Variants in SF3A3 observed in about 807,000 individuals in gnomAD.
The protein encoded by SF3A3 is splicing factor 3a subunit 3.
In SF3A3, 9 loss-of-function variants were observed where a neutral mutation model predicts 85.8. The ratio of observed to expected loss-of-function variants is 0.10; its 90% confidence interval spans 0.06 to 0.18. The LOEUF (loss-of-function observed/expected upper bound fraction) is 0.18. Ranked by LOEUF, SF3A3 falls within the 10% of genes least tolerant of loss-of-function variation. The pLI is 1.00. For synonymous variants in SF3A3, 195 were observed against 204.4 expected (o/e 0.95, Z 0.39); for missense variants, 306 against 593.3 (o/e 0.52, Z 5.03).
chr1:37,979,351 T>C lies in SF3A3; in HGVS notation c.759+114A>G, dbSNP rs1646401428. On this transcript the variant is annotated intron_variant, in intron 9 of 16. Coordinates refer to ENST00000373019, the MANE Select transcript of SF3A3 (RefSeq NM_006802.4). ...TGCTACTTTCTTTGTAGATGCTTGATCTCAAGAAATAGTGCCTTATCACAA... is the reference window on the plus strand; with the variant it reads ...TGCTACTTTCTTTGTAGATGCTTGACCTCAAGAAATAGTGCCTTATCACAA... The C allele has an allele frequency of 3.7e-6, 3 of 811,898 alleles. No individual in the cohort carries two copies. In the East Asian group the frequency reaches 7.6e-5, roughly 21 times the overall value. The allele number at this position is 811,898 out of a possible 1,614,324, so 50.3% of individuals were successfully genotyped here. A position where few individuals can be genotyped will look rare whatever the true frequency, so the allele number is the denominator to read the frequency against.
intron 5 of SF3A3, 128 bp downstream of exon 5, chr1:37,984,579 G>GAAACCAGCAAAGACA: frequency 5.4e-6 from 4 of 738,818 alleles, no homozygotes; most frequent in Non-Finnish European, 9.5e-6. Flanking sequence ...CTCTAGCCCA[G>GAAACCAGCAAAGACA]AAACCAGCAA....
chr1:37,973,768 A>C (rs1277770365), intron 12 of SF3A3, among the ~76,000 whole-genome samples: 1 of 152,248 alleles, frequency 6.6e-6, no homozygotes, highest in Non-Finnish European at 1.5e-5. Context: ...GCTGCTATAA[A>C]GACACATGCA....
At chr1:37,986,686 C>T (rs1171616589) in intron 4 of SF3A3, among the ~76,000 whole-genome samples, 5 of 151,666 alleles carry the variant, frequency 3.3e-5, no homozygotes, top group South Asian at 2.1e-4. Context: ...GTGGCAGGCA[C>T]CTGTAGTCCC....
chr1:37,965,005 A>G (rs1028731560), intron 15 of SF3A3, among the ~76,000 whole-genome samples: 2 of 152,138 alleles, frequency 1.3e-5, no homozygotes, highest in Non-Finnish European at 2.9e-5. Flanking sequence ...CTAAAAATAC[A>G]AAAATTGCTG....
chr1:37,986,586 C>T (rs1034109169), intron 4 of SF3A3, among the ~76,000 whole-genome samples: 17 of 151,800 alleles, frequency 1.1e-4, no homozygotes, highest in African/African-American at 2.4e-4. Flanking sequence ...CCGAGGTGGG[C>T]GGATCACAAG....
chr1:37,984,132 G>C (rs551627806), intron 6 of SF3A3, 37 bp downstream of exon 6: 1 of 1,203,258 alleles, frequency 8.3e-7, no homozygotes, highest in Non-Finnish European at 1.2e-6. Flanking sequence ...GACTCACTTC[G>C]AGAATCAGAA....
At chr1:37,966,316 G>A (rs1646300007) in intron 15 of SF3A3, among the ~76,000 whole-genome samples, 2 of 152,120 alleles carry the variant, frequency 1.3e-5, no homozygotes, top group Admixed American at 1.3e-4. Flanking sequence ...TGGGAAAACA[G>A]GAAGCCTGGC....
At chr1:37,977,532 T>C (rs1321582156) in intron 11 of SF3A3, among the ~76,000 whole-genome samples, 1 of 151,898 alleles carries the variant, frequency 6.6e-6, no homozygotes, top group Non-Finnish European at 1.5e-5. Flanking sequence ...TGAAACCCTC[T>C]CTCTACTAAA....
At chr1:37,989,767 G>A in intron 1 of SF3A3, 103 bp downstream of exon 1, 2 of 1,233,676 alleles carry the variant, frequency 1.6e-6, no homozygotes, top group South Asian at 1.3e-5. Context: ...AGGGAGCCCG[G>A]AGGAAGGCAG....
At chr1:37,989,514 C>A in intron 2 of SF3A3, 34 bp downstream of exon 2, 1 of 1,607,122 alleles carries the variant, frequency 6.2e-7, no homozygotes, top group Non-Finnish European at 8.5e-7. Flanking sequence ...CCGCCCTCGC[C>A]AACCCAAAGA....
intron 15 of SF3A3, among the ~76,000 whole-genome samples, chr1:37,962,418 A>C (rs2148714762): frequency 6.6e-6 from 1 of 151,676 alleles, no homozygotes; most frequent in African/African-American, 2.4e-5. Context: ...AACCTGACCA[A>C]CATGGAGAAA....
chr1:37,962,006 AC>A (rs1275735643), intron 15 of SF3A3, among the ~76,000 whole-genome samples: 1 of 150,184 alleles, frequency 6.7e-6, no homozygotes, highest in Non-Finnish European at 1.5e-5. Context: ...AATCACTTGA[AC>A]CCAGGAGGTG....
rs1230661016 is a variant in SF3A3, at chr1:37,961,551, T to G, written c.1373-1376A>C. Among the ~76,000 whole-genome samples, 4 of 150,040 alleles carry G rather than the reference T, an allele frequency of 2.7e-5. No individual in the cohort carries two copies. The East Asian group carries it at 7.9e-4, about 30-fold the overall frequency. ...GTGAGCCGAGATAACACCACTGCAC[T>G]CCAGTCTGGGCAACAAGAGTGGAAC... On this transcript the variant is annotated intron_variant, in intron 15 of 16. Coordinates refer to ENST00000373019, the MANE Select transcript of SF3A3 (RefSeq NM_006802.4).
chr1:37,962,087 A>AAAAAC (rs138801605), intron 15 of SF3A3, among the ~76,000 whole-genome samples: 1 of 145,962 alleles, frequency 6.9e-6, no homozygotes, highest in Non-Finnish European at 1.5e-5. Flanking sequence ...TCCGTCTCAA[A>AAAAAC]AAAACAAAAC....
At chr1:37,985,468 A>G (rs532936136) in intron 4 of SF3A3, among the ~76,000 whole-genome samples, 108 of 152,240 alleles carry the variant, frequency 7.1e-4, no homozygotes, top group African/African-American at 2.5e-3. Context: ...GAGGGCAGGT[A>G]TCAGTACTTT....
intron 16 of SF3A3, among the ~76,000 whole-genome samples, chr1:37,959,602 A>G (rs1302790249): frequency 2.6e-5 from 4 of 151,878 alleles, no homozygotes; most frequent in Admixed American, 6.6e-5. Flanking sequence ...TTTTTGAGAA[A>G]GAGTCTTGCT....
At chr1:37,959,435 G>A (rs1228954804) in intron 16 of SF3A3, among the ~76,000 whole-genome samples, 1 of 147,746 alleles carries the variant, frequency 6.8e-6, no homozygotes, top group Non-Finnish European at 1.5e-5. Flanking sequence ...AAAGAGACAG[G>A]GTCTTACTCT....
chr1:37,976,850 T>C (rs748299079), intron 12 of SF3A3, 34 bp downstream of exon 12: 4 of 1,331,016 alleles, frequency 3.0e-6, no homozygotes, highest in Non-Finnish European at 4.3e-6. Flanking sequence ...CTGTGCTTTA[T>C]ACCATTTTCC....
chr1:37,961,856 C>A (rs1041750210), intron 15 of SF3A3, among the ~76,000 whole-genome samples: 3 of 144,382 alleles, frequency 2.1e-5, no homozygotes, highest in Non-Finnish European at 4.5e-5. Flanking sequence ...CTGAGGTGGG[C>A]GGGCAGATCA....
Sources: gnomAD v4.1 joint callset for allele counts (sites outside exome capture counted in the v4.1 genomes callset) on GRCh38, gnomAD v4.1.1 for gene constraint, MANE v1.5 for transcripts, NCBI Gene and HGNC (gene_info 2026-07-23, HGNC 2026-07-21) for gene names.